The following MAJIN variants were observed in gnomAD, a reference collection of about 807,000 sequenced individuals.
MAJIN encodes the protein membrane anchored junction protein.
In MAJIN, 27 loss-of-function variants were observed where a neutral mutation model predicts 30.2. The observed-to-expected ratio is 0.89, with a 90% CI of 0.66 to 1.23. The LOEUF (loss-of-function observed/expected upper bound fraction) is 1.23, where lower values mean the gene tolerates loss of function less well. Among genes scored for constraint, MAJIN ranks in the 50% most tolerant of loss-of-function variants. The pLI is 0.00. For synonymous variants in MAJIN, 78 were observed against 91.6 expected (o/e 0.85, Z 0.85); for missense variants, 253 against 260.3 (o/e 0.97, Z 0.19).
In MAJIN at chr11:64,947,762, A is replaced by T. The variant is rs372611323; in HGVS notation, c.381+26T>A. ...AAAGAAGGTGATAAAGGCAATTTTC[A>T]TTTTGTACAGAAAAGGCAAACTTAC... On this transcript the variant is annotated intron_variant, in intron 7 of 10. Transcript: ENST00000301896. The T allele has an allele frequency of 3.9e-4, 633 of 1,610,066 alleles. 3 individuals carry two copies. Among genetic ancestry groups the T allele is most frequent in the Non-Finnish European group, 4.6e-4 (543 of 1,176,714 alleles).
intron 3 of MAJIN, among the ~76,000 whole-genome samples, chr11:64,955,640 T>C (rs1945618670): frequency 6.6e-6 from 1 of 152,246 alleles, no homozygotes; most frequent in Non-Finnish European, 1.5e-5. Context: ...ACAATACTTG[T>C]TGTCAACAAT....
intron 4 of MAJIN, 120 bp downstream of exon 4, chr11:64,954,636 AG>A (rs745796406): frequency 1.1e-6 from 1 of 909,748 alleles, no homozygotes; most frequent in Non-Finnish European, 1.8e-6. Context: ...GAGATGTAGC[AG>A]GAGGAAGCCA....
In MAJIN at chr11:64,959,291, A is replaced by C. The variant is rs778536126; in HGVS notation, c.101+14T>G. The C allele has an allele frequency of 6.3e-7, 1 of 1,599,324 alleles. No individual in the cohort carries two copies. Among genetic ancestry groups the C allele is most frequent in the East Asian group, 2.2e-5 (1 of 44,804 alleles). The stretch of plus-strand genomic sequence containing the variant: ...TGGTGTTTGCATAGGCTACCCTCCT[A>C]CCTTTGAAATTACCTGATACTCTTC... On this transcript the variant is annotated intron_variant, in intron 3 of 10. Transcript: ENST00000301896.
At chr11:64,969,994 G>C (rs1945872460) in intron 1 of MAJIN, among the ~76,000 whole-genome samples, 1 of 152,146 alleles carries the variant, frequency 6.6e-6, no homozygotes, top group Non-Finnish European at 1.5e-5. Flanking sequence ...GATAGCCAAA[G>C]AGAGATTCTA....
chr11:64,945,361 AC>A (rs1945436619), intron 8 of MAJIN, among the ~76,000 whole-genome samples: 1 of 151,948 alleles, frequency 6.6e-6, no homozygotes, highest in Non-Finnish European at 1.5e-5. Flanking sequence ...GTGTCTCAAA[AC>A]AAACAAACAA....
chr11:64,948,900 T>C (rs1182796287), intron 6 of MAJIN, among the ~76,000 whole-genome samples: 2 of 147,856 alleles, frequency 1.4e-5, no homozygotes, highest in Admixed American at 6.8e-5. Context: ...GTGATCCTCT[T>C]GCCTCGGCCT....
intron 1 of MAJIN, among the ~76,000 whole-genome samples, chr11:64,966,145 G>GAAAAAATAAAAA (rs1945804703): frequency 1.8e-5 from 1 of 57,100 alleles, no homozygotes; most frequent in African/African-American, 6.9e-5. Flanking sequence ...GATTAAAAAT[G>GAAAAAATAAAAA]AAAAAAAAAA....
intron 6 of MAJIN, among the ~76,000 whole-genome samples, chr11:64,948,536 TCTC>T (rs1945485909): frequency 1.6e-5 from 2 of 128,580 alleles, no homozygotes; most frequent in Non-Finnish European, 3.2e-5. Flanking sequence ...TTCAAGCAAT[TCTC>T]CTCCCTCAGC....
chr11:64,957,709 T>TA (rs1385154776), intron 3 of MAJIN, among the ~76,000 whole-genome samples: 1 of 152,078 alleles, frequency 6.6e-6, no homozygotes, highest in African/African-American at 2.4e-5. Flanking sequence ...CAGCTGTTTT[T>TA]ATCATGAAAA....
intron 8 of MAJIN, 92 bp downstream of exon 8, chr11:64,947,282 G>C: frequency 9.1e-7 from 1 of 1,094,394 alleles, no homozygotes; most frequent in Non-Finnish European, 1.3e-6. Context: ...GCAAAAGAAA[G>C]TGACTCGCCC....
At chr11:64,952,177 C>T (rs183393618) in intron 4 of MAJIN, among the ~76,000 whole-genome samples, 3 of 151,936 alleles carry the variant, frequency 2.0e-5, no homozygotes, top group Non-Finnish European at 4.4e-5. Context: ...GCATGAGCGA[C>T]CACGCCCGGC....
At chr11:64,966,716 T>G (rs1196355928) in intron 1 of MAJIN, among the ~76,000 whole-genome samples, 1 of 151,156 alleles carries the variant, frequency 6.6e-6, no homozygotes, top group African/African-American at 2.4e-5. Context: ...GGCGGATCAC[T>G]TGAGGTCAGG....
At position 64,938,355 on chromosome 11, in the gene MAJIN, A is replaced by C; in HGVS notation, c.*220T>G. 1.5e-6 allele frequency: 1 copy of C among 662,712 alleles called. No homozygotes were observed. Among genetic ancestry groups the C allele is most frequent in the South Asian group, 2.2e-5 (1 of 45,352 alleles). 41.1% of individuals were successfully genotyped at this position (662,712 alleles called of 1,614,324 possible). On this transcript the variant is annotated 3_prime_UTR_variant, in exon 11 of 11. Transcript: ENST00000301896. ...CTTAATGTTTTAAATTGGGGGAAAAAATCTATTATAAAGGGGCAAAGGACA... is the reference window on the plus strand; with the variant it reads ...CTTAATGTTTTAAATTGGGGGAAAACATCTATTATAAAGGGGCAAAGGACA...
intron 3 of MAJIN, among the ~76,000 whole-genome samples, chr11:64,957,249 CTTTT>C (rs1296318465): frequency 2.7e-5 from 4 of 150,910 alleles, no homozygotes; most frequent in African/African-American, 9.8e-5. Flanking sequence ...CAGCTAATTT[CTTTT>C]ATTTTTTGTA....
chr11:64,949,479 T>A (rs1287448862), intron 6 of MAJIN, among the ~76,000 whole-genome samples: 4 of 152,228 alleles, frequency 2.6e-5, no homozygotes, highest in African/African-American at 9.6e-5. Flanking sequence ...TTTAATCCTT[T>A]TAACAACTCA....
At chr11:64,955,308 T>C (rs1486894734) in intron 3 of MAJIN, among the ~76,000 whole-genome samples, 3 of 146,592 alleles carry the variant, frequency 2.0e-5, no homozygotes, top group Non-Finnish European at 4.5e-5. Context: ...TCACTGAATA[T>C]CCTTGAGGAA....
chr11:64,941,630 G>A (rs905866003), intron 8 of MAJIN, among the ~76,000 whole-genome samples: 2 of 152,150 alleles, frequency 1.3e-5, no homozygotes, highest in African/African-American at 2.4e-5. Context: ...AGCCTGGGGC[G>A]AGAGAGTGAG....
At chr11:64,968,384 C>A (rs976717981) in intron 1 of MAJIN, among the ~76,000 whole-genome samples, 2 of 152,054 alleles carry the variant, frequency 1.3e-5, no homozygotes, top group Non-Finnish European at 2.9e-5. Flanking sequence ...AATCCTCCCA[C>A]CTCAGCCTCC....
At chr11:64,943,488 G>A (rs1429309828) in intron 8 of MAJIN, among the ~76,000 whole-genome samples, 2 of 152,186 alleles carry the variant, frequency 1.3e-5, no homozygotes, top group Admixed American at 6.5e-5. Context: ...CCTGCAAAGG[G>A]GGCAGAACAT....
Sources: gnomAD v4.1 joint callset for allele counts (sites outside exome capture counted in the v4.1 genomes callset) on GRCh38, gnomAD v4.1.1 for gene constraint, MANE v1.5 for transcripts, NCBI Gene and HGNC (gene_info 2026-07-23, HGNC 2026-07-21) for gene names.